Variants in NWD1 observed in about 807,000 individuals in gnomAD.
NWD1 encodes NACHT domain- and WD repeat-containing protein 1.
In NWD1, 129 loss-of-function variants were observed where a neutral mutation model predicts 135.1. That is an observed-to-expected ratio of 0.96 (90% CI 0.83 to 1.11). The LOEUF (loss-of-function observed/expected upper bound fraction) is 1.11. Among genes scored for constraint, NWD1 ranks in the 50% least tolerant of loss-of-function variants. The pLI is 0.00. For synonymous variants in NWD1, 773 were observed against 786.0 expected, an observed-to-expected ratio of 0.98 and a Z score of 0.28; for missense variants, 1,740 against 1,851.3, an observed-to-expected ratio of 0.94 and a Z score of 1.10.
chr19:16,805,132 C>G (rs1475970835), intron 17 of NWD1, among the ~76,000 whole-genome samples: 1 of 151,880 alleles, frequency 6.6e-6, no homozygotes, highest in Non-Finnish European at 1.5e-5. Flanking sequence ...GATCTCAGTT[C>G]ACTGCAACCT....
chr19:16,753,155 T>C (rs1968644849), intron 6 of NWD1, among the ~76,000 whole-genome samples: 2 of 152,216 alleles, frequency 1.3e-5, no homozygotes. Context: ...GGGTCCTCTC[T>C]GCACATCAAC....
chr19:16,751,501 G>A (rs1038345661), intron 6 of NWD1, among the ~76,000 whole-genome samples: 2 of 149,734 alleles, frequency 1.3e-5, no homozygotes, highest in African/African-American at 4.9e-5. Flanking sequence ...AGGAAGGAAG[G>A]GAGGAAGGAA....
chr19:16,735,013 T>G (rs1967734605), intron 3 of NWD1, among the ~76,000 whole-genome samples: 1 of 152,126 alleles, frequency 6.6e-6, no homozygotes, highest in Admixed American at 6.6e-5. Flanking sequence ...ATCCTCATGC[T>G]TCAGCCTCCA....
At chr19:16,795,214 C>T (rs1403051842) in intron 15 of NWD1, among the ~76,000 whole-genome samples, 2 of 152,218 alleles carry the variant, frequency 1.3e-5, no homozygotes, top group Non-Finnish European at 2.9e-5. Flanking sequence ...TGGCCACTGC[C>T]ACGACTGAGC....
intron 4 of NWD1, among the ~76,000 whole-genome samples, chr19:16,740,823 C>T (rs901378753): frequency 1.3e-5 from 2 of 151,924 alleles, no homozygotes; most frequent in African/African-American, 4.8e-5. Flanking sequence ...GTGGTTCTGG[C>T]ATTAAGACCA....
intron 18 of NWD1, among the ~76,000 whole-genome samples, chr19:16,809,224 C>A (rs1970848404): frequency 6.6e-6 from 1 of 151,764 alleles, no homozygotes; most frequent in African/African-American, 2.4e-5. Context: ...GCTGGGATTA[C>A]AGATAAGCAC....
intron 12 of NWD1, among the ~76,000 whole-genome samples, chr19:16,784,501 G>A (rs191015616): frequency 7.9e-5 from 12 of 152,256 alleles, no homozygotes; most frequent in Non-Finnish European, 1.6e-4. Flanking sequence ...GGTGAAGGAA[G>A]GGCAGGGGAG....
intron 14 of NWD1, among the ~76,000 whole-genome samples, chr19:16,792,267 G>A (rs533163601): frequency 3.3e-5 from 5 of 152,200 alleles, no homozygotes; most frequent in South Asian, 2.1e-4. Flanking sequence ...CTGGCTGGGC[G>A]CTGTGTCTCA....
At chr19:16,805,650 C>T (rs1031687409) in intron 17 of NWD1, among the ~76,000 whole-genome samples, 3 of 152,070 alleles carry the variant, frequency 2.0e-5, no homozygotes, top group South Asian at 4.2e-4. Context: ...TTTCCTTGGG[C>T]CCTGGTTCAC....
intron 1 of NWD1, among the ~76,000 whole-genome samples, chr19:16,722,294 A>AC (rs951561594): frequency 2.0e-5 from 3 of 147,020 alleles, no homozygotes; most frequent in African/African-American, 5.0e-5. Flanking sequence ...GCAAGACTTG[A>AC]CTTTTTTTTT....
chr19:16,804,992 G>C lies in NWD1; in HGVS notation c.3737-2594G>C, dbSNP rs201268907. Among the ~76,000 whole-genome samples the C allele has an allele frequency of 5.3e-5, 8 of 150,544 alleles. No individual in the cohort carries two copies. In the East Asian group the frequency reaches 1.6e-3, roughly 30 times the overall value. The stretch of plus-strand genomic sequence containing the variant: ...GGTGCACCACCATGCCTGACTCCTG[G>C]AGACTTTAAAATTTTTAAAAATATT... On this transcript the variant is annotated intron_variant, in intron 17 of 18. Transcript: ENST00000524140.
chr19:16,750,098 C>G lies in NWD1; in HGVS notation c.1456C>G (p.Pro486Ala). ...LDTLQRVLLD[P>A]EAYWEVKPLS... is the part of the protein sequence containing the mutation. ...CACCTTGCAGCGGGTGCTCCTGGAC[C>G]CGGAGGCCTACTGGGAGGTGAAGCC... The change falls in exon 6 of 19, where the codon CCG (proline) becomes GCG (alanine). Residue 486 changes from proline to alanine, a missense_variant. Transcript: ENST00000524140. 6.2e-7 allele frequency: 1 copy of G among 1,614,052 alleles called. No individual in the cohort carries two copies. Among genetic ancestry groups the G allele is most frequent in the Non-Finnish European group, 8.5e-7 (1 of 1,180,014 alleles).
At chr19:16,768,354 T>C (rs963615377) in intron 10 of NWD1, among the ~76,000 whole-genome samples, 1 of 152,140 alleles carries the variant, frequency 6.6e-6, no homozygotes, top group African/African-American at 2.4e-5. Flanking sequence ...CTTAATAATA[T>C]TGCATTGTAT....
intron 18 of NWD1, among the ~76,000 whole-genome samples, chr19:16,810,050 T>G (rs1176004150): frequency 2.0e-5 from 3 of 151,990 alleles, no homozygotes; most frequent in Non-Finnish European, 4.4e-5. Context: ...GATTTTTTTG[T>G]GTGTGTGTTT....
intron 1 of NWD1, among the ~76,000 whole-genome samples, chr19:16,722,303 T>C (rs1244124136): frequency 1.3e-5 from 2 of 150,368 alleles, no homozygotes; most frequent in Non-Finnish European, 3.0e-5. Flanking sequence ...GACTTTTTTT[T>C]TTTTTGAGAC....
chr19:16,747,448 C>T (rs773915), intron 5 of NWD1, among the ~76,000 whole-genome samples: 13,728 of 151,870 alleles, frequency 0.09, 1,063 homozygotes, highest in African/African-American at 0.21. Flanking sequence ...ACGATCACGG[C>T]TCAGTGTGGC....
At chr19:16,751,718 T>G (rs536410385) in intron 6 of NWD1, among the ~76,000 whole-genome samples, 4 of 151,170 alleles carry the variant, frequency 2.6e-5, no homozygotes, top group African/African-American at 7.3e-5. Flanking sequence ...GGAGAATCAC[T>G]TGAACCCGGG....
At chr19:16,799,610 G>A (rs568651155) in intron 16 of NWD1, among the ~76,000 whole-genome samples, 35 of 152,068 alleles carry the variant, frequency 2.3e-4, no homozygotes, top group African/African-American at 7.7e-4. Context: ...GGGTTCAAGC[G>A]ATTCTCCTGC....
chr19:16,737,904 G>T (rs902306285), intron 4 of NWD1, among the ~76,000 whole-genome samples: 4 of 151,492 alleles, frequency 2.6e-5, no homozygotes, highest in African/African-American at 9.7e-5. Flanking sequence ...GGCAGAGGTT[G>T]CAGTGAGCCG....
Sources: allele counts gnomAD v4.1 joint callset (sites outside exome capture counted in the v4.1 genomes callset), GRCh38; gene constraint gnomAD v4.1.1; transcripts MANE v1.5; gene names NCBI Gene and HGNC (gene_info 2026-07-23, HGNC 2026-07-21).